Variants in SYCP2 observed in about 807,000 individuals in gnomAD.
The protein encoded by SYCP2 is synaptonemal complex protein 2.
In SYCP2, 55 loss-of-function variants were observed where a neutral mutation model predicts 211.3. The observed-to-expected ratio is 0.26, with a 90% CI of 0.21 to 0.33. SYCP2 has a LOEUF of 0.33. SYCP2 is among the 10% of genes least tolerant of loss of function. SYCP2 has a pLI of 1.00. For missense variants in SYCP2, 1,731 were observed against 1,752.0 expected (o/e 0.99, Z 0.21); for synonymous variants, 570 against 555.2 (o/e 1.03, Z -0.37).
chr20:59,868,343 A>C, intron 38 of SYCP2, 70 bp downstream of exon 38: 1 of 1,498,082 alleles, frequency 6.7e-7, no homozygotes, highest in East Asian at 2.3e-5. Flanking sequence ...TTTTGTAAAT[A>C]GACTCATTCA....
chr20:59,877,988 A>G lies in SYCP2; in HGVS notation c.2979+20T>C, dbSNP rs765057294. The G allele has an allele frequency of 1.3e-5, 21 of 1,580,124 alleles. No homozygotes were observed. The South Asian group carries it at 2.2e-4, about 17-fold the overall frequency. On this transcript the variant is annotated intron_variant, in intron 32 of 44. Coordinates refer to ENST00000357552, the MANE Select transcript of SYCP2 (RefSeq NM_014258.4). ...AAAATAATTTTAAAGGGATGTTTGAACACAAACTTCTTGGCTTACCATTTT... is the reference window on the plus strand; with the variant it reads ...AAAATAATTTTAAAGGGATGTTTGAGCACAAACTTCTTGGCTTACCATTTT...
chr20:59,924,573 A>G (rs6100653), intron 2 of SYCP2, among the ~76,000 whole-genome samples: 18,201 of 151,942 alleles, frequency 0.12, 2,510 homozygotes, highest in African/African-American at 0.34. Context: ...AACATCTTAC[A>G]TACTCCATTG....
At chr20:59,902,356 C>T (rs899056422) in intron 15 of SYCP2, among the ~76,000 whole-genome samples, 56 of 152,008 alleles carry the variant, frequency 3.7e-4, no homozygotes, top group African/African-American at 1.2e-3. Context: ...ACAGCAAGTA[C>T]CAGCTTATAA....
chr20:59,905,066 T>C (rs556263633), intron 15 of SYCP2, among the ~76,000 whole-genome samples: 86 of 152,302 alleles, frequency 5.6e-4, no homozygotes, highest in African/African-American at 1.9e-3. Flanking sequence ...GAAAATTATA[T>C]AGCCAGTGCA....
intron 5 of SYCP2, among the ~76,000 whole-genome samples, chr20:59,919,990 C>T (rs2060511188): frequency 6.6e-6 from 1 of 151,568 alleles, no homozygotes; most frequent in South Asian, 2.1e-4. Context: ...ATCTCAGATA[C>T]TATTCTAGGT....
intron 35 of SYCP2, among the ~76,000 whole-genome samples, chr20:59,870,581 AGAT>A (rs1254601989): frequency 6.6e-6 from 1 of 151,912 alleles, no homozygotes; most frequent in African/African-American, 2.4e-5. Flanking sequence ...AATCATGTGT[AGAT>A]AAGAAAGATC....
At position 59,896,436 on chromosome 20, in the gene SYCP2, G is replaced by C. The variant is rs907543649; in HGVS notation, c.1497C>G (p.Ser499Arg). 2 of 1,546,546 alleles carry C rather than the reference G, an allele frequency of 1.3e-6. No homozygotes were observed. The highest frequency in any genetic ancestry group is 1.8e-6 in the Non-Finnish European group (2 of 1,128,160). ...RYTMRSPVLFSNTSIPPRRRR... is the reference protein window; with the variant it reads ...RYTMRSPVLFRNTSIPPRRRR... ...TAAAACTATAAAACTTACATGTGTTGCTGAAAAGCACTGGACTTCTCATAG... is the reference window on the plus strand; with the variant it reads ...TAAAACTATAAAACTTACATGTGTTCCTGAAAAGCACTGGACTTCTCATAG... Residue 499 changes from serine to arginine, a missense_variant, in exon 19 of 45, where the codon AGC becomes AGG. By Grantham distance (110) the Ser-to-Arg change is moderately radical. Coordinates refer to ENST00000357552, the MANE Select transcript of SYCP2 (RefSeq NM_014258.4).
At chr20:59,892,806 G>A in intron 22 of SYCP2, 105 bp from the exon 23 acceptor site, 1 of 1,025,306 alleles carries the variant, frequency 9.8e-7, no homozygotes, top group Non-Finnish European at 1.4e-6. Context: ...TTACTTATGT[G>A]AAAATTATGT....
chr20:59,891,074 T>C (rs995718654), intron 24 of SYCP2, among the ~76,000 whole-genome samples: 2 of 151,986 alleles, frequency 1.3e-5, no homozygotes, highest in South Asian at 4.1e-4. Context: ...CCTAATTATA[T>C]ACAATTGCAA....
At chr20:59,902,965 G>T (rs2060143455) in intron 15 of SYCP2, among the ~76,000 whole-genome samples, 1 of 151,980 alleles carries the variant, frequency 6.6e-6, no homozygotes, top group South Asian at 2.1e-4. Flanking sequence ...TTATTCCTCT[G>T]ATATGCTTTT....
intron 3 of SYCP2, among the ~76,000 whole-genome samples, chr20:59,921,748 CA>C (rs1026133240): frequency 6.6e-6 from 1 of 150,878 alleles, no homozygotes; most frequent in Non-Finnish European, 1.5e-5. Flanking sequence ...ATGAAAAAAG[CA>C]AAAAAATTTT....
intron 20 of SYCP2, 84 bp downstream of exon 20, chr20:59,895,353 C>A: frequency 8.8e-7 from 1 of 1,137,766 alleles, no homozygotes; most frequent in South Asian, 1.6e-5. Context: ...GAGACACTTG[C>A]AGCTTGCAAA....
chr20:59,892,720 T>C lies in SYCP2; in HGVS notation c.1794-19A>G. The C allele has an allele frequency of 6.3e-7, 1 of 1,595,578 alleles. No homozygotes were observed. On this transcript the variant is annotated intron_variant, in intron 22 of 44. Transcript: ENST00000357552. The stretch of plus-strand genomic sequence containing the variant: ...AGGTAATCTAGAAAATAAATTAATT[T>C]GCTTAATGTTACAAAACATTAGCCT...
chr20:59,897,974 G>A (rs976534716), intron 18 of SYCP2, among the ~76,000 whole-genome samples: 6 of 152,086 alleles, frequency 3.9e-5, no homozygotes, highest in African/African-American at 1.4e-4. Context: ...TGTGGTGGCA[G>A]GTGCCTATAA....
intron 14 of SYCP2, among the ~76,000 whole-genome samples, chr20:59,909,818 AAAT>A (rs1366668027): frequency 1.3e-5 from 2 of 152,238 alleles, no homozygotes; most frequent in Admixed American, 6.5e-5. Flanking sequence ...AAATGATTTT[AAAT>A]AATAACTACT....
intron 26 of SYCP2, among the ~76,000 whole-genome samples, chr20:59,883,752 G>C (rs2059731378): frequency 6.6e-6 from 1 of 151,932 alleles, no homozygotes; most frequent in African/African-American, 2.4e-5. Context: ...CAGATATGTA[G>C]GATGAATAAG....
Position 59,869,952 on chromosome 20 carries a change from A to G in SYCP2, c.3587T>C (p.Ile1196Thr), listed in dbSNP as rs1425058180. Reference protein sequence around the residue: ...PRHTPTKSNTIVNRKKISSLV... With the variant: ...PRHTPTKSNTTVNRKKISSLV... ...AGAACTTATTTTTTTTCTATTTACAATAGTATTACTCTTAGTTGGAGTATG... is the reference window on the plus strand; with the variant it reads ...AGAACTTATTTTTTTTCTATTTACAGTAGTATTACTCTTAGTTGGAGTATG... Residue 1196 changes from isoleucine (I) to threonine (T), a missense_variant, in exon 36 of 45, where the codon ATT becomes ACT. Around this residue, in one of 3 missense-constraint regions of SYCP2, gnomAD observed 1,387 missense variants for 1,351.3 expected, o/e 1.03. Transcript: ENST00000357552. 1.2e-6 allele frequency: 2 copies of G among 1,602,684 alleles called. No individual in the cohort carries two copies. Among genetic ancestry groups the G allele is most frequent in the Admixed American group, 1.7e-5 (1 of 59,500 alleles).
intron 2 of SYCP2, among the ~76,000 whole-genome samples, chr20:59,925,144 T>C (rs960202098): frequency 5.9e-5 from 9 of 152,018 alleles, no homozygotes; most frequent in African/African-American, 2.2e-4. Context: ...TGGACAACCT[T>C]AAAATCAGAA....
chr20:59,877,603 G>A, intron 32 of SYCP2, 48 bp from the exon 33 acceptor site: 2 of 1,487,460 alleles, frequency 1.3e-6, no homozygotes, highest in Admixed American at 2.4e-5. Context: ...TGAGGTACAA[G>A]AAATACAAGC....
Sources: gnomAD v4.1 joint callset for allele counts (sites outside exome capture counted in the v4.1 genomes callset) on GRCh38, gnomAD v4.1.1 for gene constraint, gnomAD v4.1.1 regional missense constraint, MANE v1.5 for transcripts, NCBI Gene and HGNC (gene_info 2026-07-23, HGNC 2026-07-21) for gene names.